Variants in SGSM1 observed in about 807,000 individuals in gnomAD.
SGSM1 encodes the protein RUN and TBC1 domain containing 2.
A neutral mutation model predicts 133.8 loss-of-function variants in SGSM1; 73 were observed. The observed-to-expected ratio is 0.55, with a 90% CI of 0.45 to 0.66. SGSM1 has a LOEUF of 0.66. SGSM1 is among the 30% of genes least tolerant of loss of function. The pLI is 0.00. For synonymous variants in SGSM1, 563 were observed against 573.0 expected (o/e 0.98, Z 0.25); for missense variants, 1,213 against 1,448.1 (o/e 0.84, Z 2.64).
chr22:24,891,835 T>A (rs1364230104), intron 16 of SGSM1, among the ~76,000 whole-genome samples: 1 of 152,028 alleles, frequency 6.6e-6, no homozygotes, highest in Non-Finnish European at 1.5e-5. Flanking sequence ...GAATTACTTT[T>A]CGGGCCAAGA....
intron 9 of SGSM1, among the ~76,000 whole-genome samples, chr22:24,864,295 C>T (rs1931326244): frequency 6.6e-6 from 1 of 152,094 alleles, no homozygotes; most frequent in South Asian, 2.1e-4. Context: ...ACCTTGTGAC[C>T]CAGCAATTCT....
In SGSM1 at chr22:24,898,069, C is replaced by T. The variant is rs1932969500; in HGVS notation, c.2120C>T (p.Thr707Ile). 1.9e-6 allele frequency: 3 copies of T among 1,613,982 alleles called. No individual in the cohort carries two copies. The highest frequency in any genetic ancestry group is 1.3e-5 in the African/African-American group (1 of 75,044). The change falls in exon 19 of 25, where the codon ACT becomes ATT. Residue 707 changes from threonine to isoleucine, a missense_variant. By Grantham distance (89) the Thr-to-Ile change is moderately conservative (BLOSUM62 -1). Transcript: ENST00000400358. ...CCCAATGGGAACCTAGTGAACGGCA[C>T]TTGTTCCCCAGACTCGGGTCATCCT... The part of the protein sequence containing the change: ...KIPNGNLVNG[T>I]CSPDSGHPSS...
intron 2 of SGSM1, among the ~76,000 whole-genome samples, chr22:24,815,636 T>C (rs1185902070): frequency 6.6e-6 from 1 of 152,146 alleles, no homozygotes; most frequent in Non-Finnish European, 1.5e-5. Flanking sequence ...TCCCAGCTAC[T>C]CAGGAGGCTG....
chr22:24,904,403 A>G (rs542005835), intron 20 of SGSM1, among the ~76,000 whole-genome samples: 3 of 152,022 alleles, frequency 2.0e-5, no homozygotes, highest in South Asian at 4.2e-4. Flanking sequence ...ACATGGTGAA[A>G]TCCCATCTCT....
intron 22 of SGSM1, among the ~76,000 whole-genome samples, chr22:24,915,868 T>C (rs1933802944): frequency 6.6e-6 from 1 of 152,224 alleles, no homozygotes; most frequent in African/African-American, 2.4e-5. Flanking sequence ...TTCTAGTTTT[T>C]GGTTCATTTG....
intron 22 of SGSM1, among the ~76,000 whole-genome samples, chr22:24,917,026 A>G (rs1249605592): frequency 2.7e-5 from 4 of 150,568 alleles, no homozygotes; most frequent in Non-Finnish European, 4.4e-5. Flanking sequence ...CTACATGCCC[A>G]GGCCACCATG....
At chr22:24,897,214 T>C (rs1156585661) in intron 18 of SGSM1, among the ~76,000 whole-genome samples, 1 of 151,666 alleles carries the variant, frequency 6.6e-6, no homozygotes, top group Non-Finnish European at 1.5e-5. Context: ...ACCCCATCTC[T>C]AATAAAAATG....
At chr22:24,865,518 A>T (rs1425297404) in intron 9 of SGSM1, among the ~76,000 whole-genome samples, 1 of 152,192 alleles carries the variant, frequency 6.6e-6, no homozygotes, top group African/African-American at 2.4e-5. Context: ...CTCTGAGCCT[A>T]TCCCACTTTT....
chr22:24,807,823 G>A (rs918241182), intron 2 of SGSM1, among the ~76,000 whole-genome samples: 1 of 151,732 alleles, frequency 6.6e-6, no homozygotes, highest in Non-Finnish European at 1.5e-5. Flanking sequence ...CAGCCACCAA[G>A]GGCAGCCTCG....
chr22:24,817,554 T>C (rs1601886205), intron 2 of SGSM1, among the ~76,000 whole-genome samples: 1 of 152,106 alleles, frequency 6.6e-6, no homozygotes. Flanking sequence ...GGTTTCACCA[T>C]GTTGGTCAGG....
In SGSM1 at chr22:24,808,950, G is replaced by A. The variant is rs771654974; in HGVS notation, c.63+2466G>A. 3.8e-4 allele frequency among the ~76,000 whole-genome samples: 58 copies of A among 152,052 alleles called. 1 individual carries two copies. The highest frequency in any genetic ancestry group is 2.4e-4 in the Non-Finnish European group (16 of 68,014). The stretch of plus-strand genomic sequence containing the variant: ...CAAACATGCTCATCCAAATCTACAC[G>A]GTGCCACACCTTGGACAGAATGTGT... On this transcript the variant is annotated intron_variant, in intron 2 of 24. Transcript: ENST00000400358.
intron 20 of SGSM1, among the ~76,000 whole-genome samples, chr22:24,903,916 G>A (rs563572250): frequency 1.4e-5 from 2 of 146,532 alleles, no homozygotes; most frequent in South Asian, 4.3e-4. Context: ...AGGTTGCAGT[G>A]AGCCAAGATT....
At chr22:24,807,527 C>G (rs955327148) in intron 2 of SGSM1, among the ~76,000 whole-genome samples, 1 of 151,710 alleles carries the variant, frequency 6.6e-6, no homozygotes, top group Non-Finnish European at 1.5e-5. Context: ...GCATGAATAA[C>G]TAGGGCTGTG....
At chr22:24,847,478 T>C (rs1930212390) in intron 3 of SGSM1, among the ~76,000 whole-genome samples, 156 bp from the exon 4 acceptor site, 1 of 152,214 alleles carries the variant, frequency 6.6e-6, no homozygotes, top group South Asian at 2.1e-4. Context: ...ATTATGCACC[T>C]ATACAAGTGT....
At position 24,855,588 on chromosome 22, in the gene SGSM1, C is replaced by T; in HGVS notation, c.709C>T (p.Pro237Ser). 2 of 1,613,922 alleles carry T rather than the reference C, an allele frequency of 1.2e-6. No homozygotes were observed. The highest frequency in any genetic ancestry group is 1.7e-6 in the Non-Finnish European group (2 of 1,179,860). The change falls in exon 8 of 25, where the codon CCA becomes TCA. Residue 237 changes from proline (P) to serine (S), a missense_variant. Pro to Ser is a moderately conservative substitution (Grantham distance 74, BLOSUM62 -1). Coordinates refer to ENST00000400358, the MANE Select transcript of SGSM1 (RefSeq NM_001098497.3). ...RHSSGSMDDR[P>S]SLSARDYVES... ...TTCCAGTGGCAGCATGGATGACCGG[C>T]CATCCCTCTCTGCCCGCGACTACGT...
At chr22:24,922,434 C>A (rs918319515) in intron 24 of SGSM1, among the ~76,000 whole-genome samples, 3 of 150,028 alleles carry the variant, frequency 2.0e-5, no homozygotes, top group Non-Finnish European at 3.0e-5. Context: ...CCCACCTCGG[C>A]CTCCCAAAGA....
At chr22:24,822,092 T>C (rs530187524) in intron 2 of SGSM1, among the ~76,000 whole-genome samples, 2 of 139,328 alleles carry the variant, frequency 1.4e-5, no homozygotes, top group African/African-American at 5.2e-5. Context: ...CTCTCTCTTT[T>C]TTTTTTTTTT....
chr22:24,835,276 G>T (rs1314434987), intron 2 of SGSM1, among the ~76,000 whole-genome samples: 1 of 152,106 alleles, frequency 6.6e-6, no homozygotes, highest in African/African-American at 2.4e-5. Flanking sequence ...AGCACACACC[G>T]TGTACCAAGC....
At position 24,845,003 on chromosome 22, in the gene SGSM1, TTC is replaced by T. The variant is rs531083981; in HGVS notation, c.139+35_139+36del. On this transcript the variant is annotated intron_variant, in intron 3 of 24. Transcript: ENST00000400358. ...TCTGTGACCTGGGAAAGTGGCTTCTTTCTCTGTGGGCTGCCTCGGGGAAGTGG... is the reference window on the plus strand; with the variant it reads ...TCTGTGACCTGGGAAAGTGGCTTCTTTCTGTGGGCTGCCTCGGGGAAGTGG... 3.9e-5 allele frequency: 63 copies of T among 1,609,128 alleles called. No individual in the cohort carries two copies. In the African/African-American group the frequency reaches 6.5e-4, roughly 17 times the overall value.
Sources: gnomAD v4.1 joint callset for allele counts (sites outside exome capture counted in the v4.1 genomes callset) on GRCh38, gnomAD v4.1.1 for gene constraint, MANE v1.5 for transcripts, NCBI Gene and HGNC (gene_info 2026-07-23, HGNC 2026-07-21) for gene names.